ZBTB17: variants seen among roughly 807,000 people sequenced by gnomAD.
ZBTB17 encodes the protein zinc finger and BTB domain-containing protein 17.
Under a neutral mutation model 85.1 loss-of-function variants are expected in ZBTB17, and 24 were observed. The ratio of observed to expected loss-of-function variants is 0.28; its 90% CI spans 0.20 to 0.40. ZBTB17 has a LOEUF of 0.40. ZBTB17 is among the 10% of genes least tolerant of loss of function. The pLI is 1.00. For missense variants in ZBTB17, 743 were observed against 1,105.1 expected (o/e 0.67, Z 4.65); for synonymous variants, 464 against 460.2 (o/e 1.01, Z -0.11).
At chr1:15,975,671 G>A (rs1040605082) in intron 1 of ZBTB17, among the ~76,000 whole-genome samples, 10 of 152,102 alleles carry the variant, frequency 6.6e-5, no homozygotes, top group Non-Finnish European at 1.3e-4. Flanking sequence ...TCAAGGGGCG[G>A]TGACAGCCGT....
At chr1:15,943,750 C>A (rs1432490178) in intron 10 of ZBTB17, 35 bp from the exon 11 acceptor site, 1 of 1,612,656 alleles carries the variant, frequency 6.2e-7, no homozygotes, top group Admixed American at 1.7e-5. Context: ...TGGCGTGGGG[C>A]ACCACCGGTG....
At chr1:15,949,048 C>A (rs2071728076) in intron 2 of ZBTB17, among the ~76,000 whole-genome samples, 1 of 152,154 alleles carries the variant, frequency 6.6e-6, no homozygotes, top group Non-Finnish European at 1.5e-5. Context: ...TCTGCACGTA[C>A]CCCATCCCCC....
At chr1:15,967,768 T>C (rs2072497302) in intron 2 of ZBTB17, among the ~76,000 whole-genome samples, 1 of 152,212 alleles carries the variant, frequency 6.6e-6, no homozygotes, top group Admixed American at 6.5e-5. Flanking sequence ...AATAAAGTTA[T>C]ATTCAAGGTA....
rs2072430136 is a variant in ZBTB17 at position 15,966,094 on chromosome 1, A to T, written c.-3+6945T>A. Among the ~76,000 whole-genome samples the T allele has an allele frequency of 6.6e-6, 1 of 152,252 alleles. No individual in the cohort carries two copies. Among genetic ancestry groups the T allele is most frequent in the Admixed American group, 6.5e-5 (1 of 15,292 alleles). ...TACAAAATTAAACAAGTTCTTTCTT[A>T]CTTTAAATCATTTGCCAAGCATTAA... On this transcript the variant is annotated intron_variant, in intron 2 of 15. Coordinates refer to ENST00000375743, the MANE Select transcript of ZBTB17 (RefSeq NM_003443.3). The surrounding 1 kb of genome is among the most constrained non-coding windows in gnomAD (Gnocchi z 4.1).
chr1:15,950,963 T>G (rs1275910673), intron 2 of ZBTB17, among the ~76,000 whole-genome samples: 1 of 152,146 alleles, frequency 6.6e-6, no homozygotes, highest in Non-Finnish European at 1.5e-5. Flanking sequence ...CTAGATAGAT[T>G]AGATAAGACA....
chr1:15,960,949 GA>G (rs991273106), intron 2 of ZBTB17, among the ~76,000 whole-genome samples: 3 of 150,892 alleles, frequency 2.0e-5, no homozygotes, highest in African/African-American at 7.3e-5. Flanking sequence ...CCCATCTCCA[GA>G]AAAAAATACA....
chr1:15,943,997 A>C (rs1356341380), intron 9 of ZBTB17, 102 bp from the exon 10 acceptor site: 1 of 1,244,204 alleles, frequency 8.0e-7, no homozygotes, highest in South Asian at 1.3e-5. Context: ...CAGGCTTGCC[A>C]GGGTCCGTGA....
In ZBTB17 at chr1:15,973,953, G is replaced by A. The variant is rs547998934; in HGVS notation, c.-89-828C>T. Among the ~76,000 whole-genome samples the A allele has an allele frequency of 1.9e-4, 29 of 152,250 alleles. No individual in the cohort carries two copies. Among genetic ancestry groups the A allele is most frequent in the African/African-American group, 7.0e-4 (29 of 41,540 alleles). On this transcript the variant is annotated intron_variant, in intron 1 of 15. Transcript: ENST00000375743. The surrounding 1 kb of genome is among the most constrained non-coding windows in gnomAD (Gnocchi z 4.1). ...GCCTATAATCCCAGTACTTTGGGAG[G>A]CTGAGGCGGGAGGATCATTTGAGGC...
chr1:15,969,724 G>C, intron 2 of ZBTB17: 1 of 482,952 alleles, frequency 2.1e-6, no homozygotes, highest in South Asian at 1.6e-5. Context: ...CAACACCAGG[G>C]AGTCTGTGGG....
intron 3 of ZBTB17, chr1:15,947,434 G>A: frequency 2.7e-6 from 1 of 367,240 alleles, no homozygotes; most frequent in Non-Finnish European, 5.0e-6. Flanking sequence ...AACAGAAGGT[G>A]CAACTGTCCG....
chr1:15,965,853 T>C (rs536859500), intron 2 of ZBTB17, among the ~76,000 whole-genome samples: 49 of 152,258 alleles, frequency 3.2e-4, no homozygotes, highest in Middle Eastern at 6.8e-3. Flanking sequence ...TACAAACACA[T>C]GGTAAAACTA....
chr1:15,944,122 A>G (rs2071481564), intron 9 of ZBTB17, 178 bp downstream of exon 9: 1 of 1,121,422 alleles, frequency 8.9e-7, no homozygotes, highest in Non-Finnish European at 1.3e-6. Context: ...TGCCCTCCGC[A>G]GAGCAACCGG....
intron 2 of ZBTB17, among the ~76,000 whole-genome samples, chr1:15,959,506 GGAGAGGGA>G (rs2148794461): frequency 7.5e-6 from 1 of 133,224 alleles, no homozygotes; most frequent in East Asian, 2.2e-4. Context: ...GGAAGAGGGA[GGAGAGGGA>G]GGGAGGGAGG....
chr1:15,968,538 CA>C (rs369166745), intron 2 of ZBTB17, among the ~76,000 whole-genome samples: 281 of 152,266 alleles, frequency 1.8e-3, no homozygotes, highest in African/African-American at 6.5e-3. Flanking sequence ...GGAGGGGCTC[CA>C]AACTCACTTG....
rs1202107066 is a variant in ZBTB17, at chr1:15,973,847, T to G, written c.-89-722A>C. Among the ~76,000 whole-genome samples, 1 of 152,196 alleles carries G rather than the reference T, an allele frequency of 6.6e-6. No homozygotes were observed. The highest frequency in any genetic ancestry group is 1.9e-4 in the East Asian group (1 of 5,200). ...GCTCTTAATTGGCCTACAGGCCCAC[T>G]CCCTTTGATACATTCTTCACTTAGC... On this transcript the variant is annotated intron_variant, in intron 1 of 15. Coordinates refer to ENST00000375743, the MANE Select transcript of ZBTB17 (RefSeq NM_003443.3). The surrounding 1 kb of genome is among the most constrained non-coding windows in gnomAD (Gnocchi z 4.1).
At position 15,943,523 on chromosome 1, in the gene ZBTB17, G is replaced by A. The variant is rs759945816; in HGVS notation, c.1577-4C>T. On this transcript the variant is annotated splice_region_variant and splice_polypyrimidine_tract_variant and intron_variant, in intron 11 of 15. Coordinates refer to ENST00000375743, the MANE Select transcript of ZBTB17 (RefSeq NM_003443.3). The stretch of plus-strand genomic sequence containing the variant: ...ACACACTGGCATGGCTTCTCACCTG[G>A]GGACCGGGCAGAAGGTGTTGGTGCC... 1.9e-6 allele frequency: 3 copies of A among 1,610,020 alleles called. No homozygotes were observed. In the South Asian group the frequency reaches 3.3e-5, roughly 18 times the overall value.
chr1:15,956,376 T>C (rs1017487664), intron 2 of ZBTB17, among the ~76,000 whole-genome samples: 2 of 152,228 alleles, frequency 1.3e-5, no homozygotes, highest in Non-Finnish European at 2.9e-5. Flanking sequence ...GGAACAGGCC[T>C]GTTGAGAGCA....
In ZBTB17 at chr1:15,942,391, C is replaced by T. The variant is rs771018326; in HGVS notation, c.2068G>A (p.Asp690Asn). 20 of 1,613,554 alleles carry T rather than the reference C, an allele frequency of 1.2e-5. No homozygotes were observed. The highest frequency in any genetic ancestry group is 1.6e-4 in the Middle Eastern group (1 of 6,084). ...VVPVGAAVTADETEVLKAEIS... is the reference protein window; with the variant it reads ...VVPVGAAVTANETEVLKAEIS... ...TCGGCCTTCAGGACTTCCGTCTCAT[C>T]GGCTGTCACTGCAGCTCCCACCGGC... The change falls in exon 15 of 16, where the codon GAT becomes AAT. Residue 690 changes from aspartate to asparagine, a missense_variant. Asp to Asn is a conservative substitution (Grantham distance 23). This residue lies in a region of ZBTB17 where 321 missense variants were observed against 615.7 expected (regional missense o/e 0.52). Coordinates refer to ENST00000375743, the MANE Select transcript of ZBTB17 (RefSeq NM_003443.3).
chr1:15,946,099 C>T (rs757510488), intron 5 of ZBTB17, 55 bp downstream of exon 5: 2 of 1,600,286 alleles, frequency 1.2e-6, no homozygotes, highest in South Asian at 2.2e-5. Flanking sequence ...TACCCTGTGC[C>T]CAGGCTGCTG....
Sources: gnomAD v4.1 joint callset for allele counts (sites outside exome capture counted in the v4.1 genomes callset) on GRCh38, gnomAD v4.1.1 for gene constraint, gnomAD v4.1.1 regional missense constraint, Gnocchi (gnomAD v3.1) non-coding constraint, MANE v1.5 for transcripts, NCBI Gene and HGNC (gene_info 2026-07-23, HGNC 2026-07-21) for gene names.